Variants in AFF2 observed in about 807,000 individuals in gnomAD.
AFF2 encodes the protein AF4/FMR2 family member 2.
A neutral mutation model predicts 76.9 loss-of-function variants in AFF2; 14 were observed. The ratio of observed to expected loss-of-function variants is 0.18; its 90% CI spans 0.12 to 0.28. AFF2 has a LOEUF of 0.28. Ranked by LOEUF, AFF2 falls within the 10% of genes least tolerant of loss-of-function variation. The pLI is 1.00. For missense variants in AFF2, 868 were observed against 1,001.1 expected (o/e 0.87, Z 1.79); for synonymous variants, 398 against 366.7 (o/e 1.09, Z -0.98).
At chrX:148,961,210 G>C (rs782397106) in intron 12 of AFF2, among the ~76,000 whole-genome samples, 1 of 112,045 alleles carries the variant, frequency 8.9e-6, no homozygotes, top group South Asian at 3.7e-4. Flanking sequence ...AGTATTTACA[G>C]CTAATGAACC....
At chrX:148,751,806 C>T (rs2055502808) in intron 3 of AFF2, among the ~76,000 whole-genome samples, 1 of 111,964 alleles carries the variant, frequency 8.9e-6, no homozygotes, top group African/African-American at 3.3e-5. Context: ...TTTATTTGTT[C>T]ACTCTCCGTG....
At chrX:148,624,489 A>G (rs2053902530) in intron 1 of AFF2, among the ~76,000 whole-genome samples, 1 of 112,229 alleles carries the variant, frequency 8.9e-6, no homozygotes, top group Non-Finnish European at 1.9e-5. Flanking sequence ...CTTGCTGATC[A>G]TAGCAAAATG....
chrX:148,932,231 C>T (rs2071722397), intron 9 of AFF2, among the ~76,000 whole-genome samples: 1 of 112,082 alleles, frequency 8.9e-6, no homozygotes, highest in Non-Finnish European at 1.9e-5. Flanking sequence ...TCAGGTATAG[C>T]CTGTGCAACT....
chrX:148,878,933 A>G (rs2071065663), intron 7 of AFF2, among the ~76,000 whole-genome samples: 1 of 112,469 alleles, frequency 8.9e-6, no homozygotes, highest in African/African-American at 3.2e-5. Flanking sequence ...AGAGAAATAT[A>G]CTAAGAAAAT....
At chrX:148,635,177 G>A (rs1480059081) in intron 1 of AFF2, among the ~76,000 whole-genome samples, 6 of 111,457 alleles carry the variant, frequency 5.4e-5, no homozygotes, top group Admixed American at 4.8e-4. Context: ...CTGGATTATC[G>A]TGGTGGGCCT....
At chrX:148,609,381 G>T in intron 1 of AFF2, among the ~76,000 whole-genome samples, 1 of 111,667 alleles carries the variant, frequency 9.0e-6, no homozygotes, top group African/African-American at 3.3e-5. Context: ...CCATGGAAAT[G>T]TGGTTTGAGG....
chrX:148,940,302 TAGGTA>T (rs2071818818), intron 9 of AFF2, among the ~76,000 whole-genome samples: 1 of 112,051 alleles, frequency 8.9e-6, no homozygotes, highest in Non-Finnish European at 1.9e-5. Flanking sequence ...TTGAATTTAG[TAGGTA>T]GGGACCCTGT....
intron 3 of AFF2, among the ~76,000 whole-genome samples, chrX:148,697,575 C>T (rs1251024864): frequency 9.0e-6 from 1 of 111,261 alleles, no homozygotes; most frequent in Non-Finnish European, 1.9e-5. Context: ...TCCTTATATA[C>T]AATGTTCCTT....
chrX:148,818,191 T>A (rs1181279511), intron 4 of AFF2, among the ~76,000 whole-genome samples: 1 of 111,998 alleles, frequency 8.9e-6, no homozygotes, highest in Non-Finnish European at 1.9e-5. Context: ...ACATATATTG[T>A]TTTCCTGGAA....
chrX:148,661,915 A>G lies in AFF2; in HGVS notation c.188A>G (p.Lys63Arg), dbSNP rs782694984. 12 of 1,193,909 alleles carry G rather than the reference A, an allele frequency of 1.0e-5. No homozygotes were observed. Among genetic ancestry groups the G allele is most frequent in the Non-Finnish European group, 1.2e-5 (11 of 886,561 alleles). The change falls in exon 3 of 21, where the codon AAA becomes AGA. Residue 63 changes from lysine to arginine, a missense_variant. Physicochemically the swap from Lys to Arg is conservative, Grantham distance 26. Transcript: ENST00000370460. ...ATCTTTTTGTTATTTTAGACAAACA[A>G]AGGTGATGCACTTGCCAACCGAGTC... ...EPYKVAEYTN[K>R]GDALANRVQN...
chrX:148,898,488 A>G (rs1389536062), intron 8 of AFF2, among the ~76,000 whole-genome samples: 4 of 112,210 alleles, frequency 3.6e-5, no homozygotes, highest in Admixed American at 1.9e-4. Context: ...TCAAGTTAGC[A>G]GTAGTTGCAG....
chrX:148,976,440 A>C (rs2072326863), intron 16 of AFF2, among the ~76,000 whole-genome samples: 2 of 112,264 alleles, frequency 1.8e-5, no homozygotes, highest in Non-Finnish European at 3.8e-5. Context: ...TACTTTCTGT[A>C]AATTACATGT....
At chrX:148,710,049 T>C (rs1214705191) in intron 3 of AFF2, among the ~76,000 whole-genome samples, 1 of 111,733 alleles carries the variant, frequency 8.9e-6, no homozygotes, top group Non-Finnish European at 1.9e-5. Flanking sequence ...CATGGGCTAT[T>C]TAAACTGGAA....
intron 9 of AFF2, among the ~76,000 whole-genome samples, chrX:148,909,399 G>T (rs1319544821): frequency 8.9e-6 from 1 of 111,954 alleles, no homozygotes; most frequent in Non-Finnish European, 1.9e-5. Flanking sequence ...CAGTTATGGT[G>T]CTGGTAAATA....
intron 1 of AFF2, among the ~76,000 whole-genome samples, chrX:148,561,162 G>C (rs1417242169): frequency 8.9e-6 from 1 of 112,437 alleles, no homozygotes; most frequent in Non-Finnish European, 1.9e-5. Context: ...ACCAAAACAT[G>C]AGTGAATGAA....
At chrX:148,761,458 GTT>G (rs201228384) in intron 3 of AFF2, among the ~76,000 whole-genome samples, 3 of 83,733 alleles carry the variant, frequency 3.6e-5, no homozygotes, top group African/African-American at 1.8e-4. Context: ...CTGTCCTCCA[GTT>G]TTTTTTGTTT....
chrX:148,841,580 A>G (rs2070600804), intron 5 of AFF2, among the ~76,000 whole-genome samples: 1 of 111,909 alleles, frequency 8.9e-6, no homozygotes, highest in Non-Finnish European at 1.9e-5. Flanking sequence ...GACAGGTGGG[A>G]ATGCTTGCCT....
intron 19 of AFF2, 120 bp downstream of exon 19, chrX:148,980,910 T>C: frequency 2.2e-6 from 1 of 455,300 alleles, no homozygotes; most frequent in Non-Finnish European, 3.7e-6. Context: ...TTTTTGTGCA[T>C]ACAAAATTCC....
At chrX:148,555,802 A>C in intron 1 of AFF2, among the ~76,000 whole-genome samples, 1 of 112,664 alleles carries the variant, frequency 8.9e-6, no homozygotes, top group Middle Eastern at 4.6e-3. Context: ...ATATTCATTC[A>C]GTTTTTATGC....
Sources: gnomAD v4.1 joint callset for allele counts (sites outside exome capture counted in the v4.1 genomes callset) on GRCh38, gnomAD v4.1.1 for gene constraint, MANE v1.5 for transcripts, NCBI Gene and HGNC (gene_info 2026-07-23, HGNC 2026-07-21) for gene names.